Variants in GREB1 observed in about 807,000 individuals in gnomAD.
The protein encoded by GREB1 is growth regulating estrogen receptor binding 1.
GREB1 carries 106 observed loss-of-function variants against 200.7 expected under a neutral mutation model. The ratio of observed to expected loss-of-function variants is 0.53; its 90% CI spans 0.45 to 0.62. The LOEUF is 0.62. GREB1 is among the 20% of genes least tolerant of loss of function. The pLI is 0.00. For synonymous variants in GREB1, 1,132 were observed against 1,092.4 expected (o/e 1.04, Z -0.72); for missense variants, 2,243 against 2,556.8 (o/e 0.88, Z 2.65).
intron 19 of GREB1, among the ~76,000 whole-genome samples, chr2:11,613,143 A>C (rs1467581514): frequency 6.6e-6 from 1 of 152,158 alleles, no homozygotes; most frequent in Non-Finnish European, 1.5e-5. Context: ...GTCCCTCTGA[A>C]TCCATCACAG....
At chr2:11,583,860 GA>G (rs934386137) in intron 7 of GREB1, among the ~76,000 whole-genome samples, 7 of 149,294 alleles carry the variant, frequency 4.7e-5, no homozygotes, top group Admixed American at 1.3e-4. Context: ...ACTCTGTCTC[GA>G]AAAAAAAAAT....
At chr2:11,560,873 G>A (rs1676951473) in intron 2 of GREB1, among the ~76,000 whole-genome samples, 1 of 152,158 alleles carries the variant, frequency 6.6e-6, no homozygotes, top group Non-Finnish European at 1.5e-5. Context: ...ACAAGAAGTT[G>A]GCAGGACTAA....
chr2:11,487,836 GA>G (rs1431775412), intron 1 of GREB1, among the ~76,000 whole-genome samples: 1 of 152,086 alleles, frequency 6.6e-6, no homozygotes, highest in Non-Finnish European at 1.5e-5. Context: ...TTTTGACCAC[GA>G]GTTTACATCA....
At chr2:11,572,031 A>G (rs568426375) in intron 4 of GREB1, among the ~76,000 whole-genome samples, 30 of 152,256 alleles carry the variant, frequency 2.0e-4, no homozygotes, top group African/African-American at 6.7e-4. Flanking sequence ...TTTTTAATCT[A>G]TGTCTTGCCC....
intron 1 of GREB1, among the ~76,000 whole-genome samples, chr2:11,509,788 A>C (rs1175431977): frequency 1.3e-5 from 2 of 152,208 alleles, no homozygotes; most frequent in Admixed American, 1.3e-4. Flanking sequence ...GCAGAGACGG[A>C]GCCCTCACCA....
At chr2:11,559,860 C>A (rs1480206769) in intron 2 of GREB1, among the ~76,000 whole-genome samples, 1 of 152,176 alleles carries the variant, frequency 6.6e-6, no homozygotes, top group East Asian at 1.9e-4. Flanking sequence ...CTCTTCACAC[C>A]TTTCCTACCA....
Position 11,576,386 on chromosome 2 carries a change from A to C in GREB1, c.488A>C (p.Lys163Thr), listed in dbSNP as rs775736833. Residue 163 changes from lysine to threonine, a missense_variant, in exon 5 of 33, where the codon AAA becomes ACA. Lys to Thr is a moderately conservative substitution (Grantham distance 78). Coordinates refer to ENST00000381486, the MANE Select transcript of GREB1 (RefSeq NM_014668.4). ...FSGNCVGCGK[K>T]GFCYFTEFSN... is the part of the protein sequence containing the mutation. The stretch of plus-strand genomic sequence containing the variant: ...GGGAATTGTGTTGGCTGTGGAAAGA[A>C]AGGCTTCTGTTACTTCACGGAATTC... 29 of 1,613,900 alleles carry C rather than the reference A, an allele frequency of 1.8e-5. No homozygotes were observed. Among genetic ancestry groups the C allele is most frequent in the Non-Finnish European group, 2.5e-6 (3 of 1,179,950 alleles).
intron 1 of GREB1, among the ~76,000 whole-genome samples, chr2:11,515,991 G>C (rs1042043991): frequency 6.6e-6 from 1 of 152,168 alleles, no homozygotes; most frequent in Non-Finnish European, 1.5e-5. Flanking sequence ...TTAGAGCTCA[G>C]TGGCTTATTT....
intron 3 of GREB1, among the ~76,000 whole-genome samples, chr2:11,565,305 C>G (rs530159973): frequency 7.9e-4 from 121 of 152,352 alleles, no homozygotes; most frequent in Middle Eastern, 3.4e-3. Context: ...GTGCTGGCCC[C>G]ATGCCTGCCA....
intron 14 of GREB1, 59 bp from the exon 15 acceptor site, chr2:11,598,621 A>G: frequency 6.8e-7 from 1 of 1,479,334 alleles, no homozygotes; most frequent in East Asian, 2.3e-5. Context: ...GTGTCTGTTG[A>G]GTGAATGAAA....
chr2:11,483,341 T>TGA (rs3071113), intron 1 of GREB1, among the ~76,000 whole-genome samples: 65,095 of 149,044 alleles, frequency 0.44, 14,357 homozygotes, highest in Middle Eastern at 0.52. Context: ...TGTGTGTGTG[T>TGA]GAGAGAGAGA....
Position 11,634,125 on chromosome 2 carries a change from G to A in GREB1, c.4992-6G>A, listed in dbSNP as rs1467291125. 3 of 1,611,728 alleles carry A rather than the reference G, an allele frequency of 1.9e-6. No homozygotes were observed. The African/African-American group carries it at 4.0e-5, about 22-fold the overall frequency. ...CCTAGGGACTCACTCTCCCTCCTTG[G>A]AGCAGGGAGTTCTCCTGGTCGGAAA... On this transcript the variant is annotated splice_polypyrimidine_tract_variant and splice_region_variant and intron_variant, in intron 28 of 32. Transcript: ENST00000381486.
chr2:11,555,661 C>A (rs1676362620), intron 1 of GREB1, among the ~76,000 whole-genome samples: 1 of 152,128 alleles, frequency 6.6e-6, no homozygotes, highest in East Asian at 1.9e-4. Flanking sequence ...TCCATTTATA[C>A]AAAGTATCCA....
chr2:11,613,813 T>C (rs1683146702), intron 19 of GREB1, among the ~76,000 whole-genome samples: 1 of 152,206 alleles, frequency 6.6e-6, no homozygotes, highest in Non-Finnish European at 1.5e-5. Flanking sequence ...CTTGCTGCAG[T>C]AGTATTACCA....
intron 24 of GREB1, among the ~76,000 whole-genome samples, chr2:11,625,883 C>T (rs1197421594): frequency 8.5e-5 from 13 of 152,268 alleles, no homozygotes; most frequent in East Asian, 5.8e-4. Context: ...CACAGTTCCA[C>T]GTGGCTGGGG....
At chr2:11,541,909 C>T (rs769899679) in intron 1 of GREB1, among the ~76,000 whole-genome samples, 13 of 152,168 alleles carry the variant, frequency 8.5e-5, no homozygotes, top group Admixed American at 3.3e-4. Context: ...CTGGAAAGCC[C>T]CTTCTTTTCA....
rs1244898486 is a variant in GREB1 at position 11,556,719 on chromosome 2, C to T, written c.105C>T (p.Pro35=). Reference sequence around the variant, plus strand: ...GGTCCAACAACCTGGTGCCCAGGCCCATCTTTTCCCAGCTGTACCTGGAAG... The same window carrying T: ...GGTCCAACAACCTGGTGCCCAGGCCTATCTTTTCCCAGCTGTACCTGGAAG... ...SLRSNNLVPR[P]IFSQLYLEAE... is the part of the protein sequence containing the mutation. Residue 35 remains proline (P), a synonymous_variant, in exon 2 of 33, where the codon CCC becomes CCT. Coordinates refer to ENST00000381486, the MANE Select transcript of GREB1 (RefSeq NM_014668.4). The T allele has an allele frequency of 6.2e-7, 1 of 1,614,138 alleles. No homozygotes were observed. The highest frequency in any genetic ancestry group is 1.3e-5 in the African/African-American group (1 of 75,054).
At chr2:11,553,799 C>CT (rs1676169143) in intron 1 of GREB1, among the ~76,000 whole-genome samples, 1 of 152,140 alleles carries the variant, frequency 6.6e-6, no homozygotes, top group Non-Finnish European at 1.5e-5. Context: ...CTGCTGGAGT[C>CT]TCCTGGGTGC....
At chr2:11,487,925 A>T (rs952218869) in intron 1 of GREB1, among the ~76,000 whole-genome samples, 4 of 152,134 alleles carry the variant, frequency 2.6e-5, no homozygotes, top group African/African-American at 9.7e-5. Flanking sequence ...GCACAGGAAA[A>T]CTGGTGACCT....
Sources: allele counts gnomAD v4.1 joint callset (sites outside exome capture counted in the v4.1 genomes callset), GRCh38; gene constraint gnomAD v4.1.1; transcripts MANE v1.5; gene names NCBI Gene and HGNC (gene_info 2026-07-23, HGNC 2026-07-21).